The following SGCZ variants were observed in gnomAD, a reference collection of about 807,000 sequenced individuals.
SGCZ encodes the protein sarcoglycan zeta.
A neutral mutation model predicts 41.3 loss-of-function variants in SGCZ; 40 were observed. The observed-to-expected ratio is 0.97, with a 90% CI of 0.75 to 1.26. SGCZ has a LOEUF of 1.26. Among genes scored for constraint, SGCZ ranks in the 50% most tolerant of loss-of-function variants. SGCZ has a pLI of 0.00. For missense variants in SGCZ, 552 were observed against 369.8 expected (o/e 1.49, Z -4.04); for synonymous variants, 206 against 137.5 (o/e 1.50, Z -3.49).
At chr8:15,164,954 G>C (rs1314631929) in intron 1 of SGCZ, among the ~76,000 whole-genome samples, 2 of 152,062 alleles carry the variant, frequency 1.3e-5, no homozygotes. Flanking sequence ...CCAGCAACTG[G>C]GTTTTCTTCT....
chr8:14,698,976 T>C (rs1425321097), intron 1 of SGCZ, among the ~76,000 whole-genome samples: 1 of 151,772 alleles, frequency 6.6e-6, no homozygotes, highest in Non-Finnish European at 1.5e-5. Flanking sequence ...AGATACGAAA[T>C]AAAATACGGT....
intron 1 of SGCZ, among the ~76,000 whole-genome samples, chr8:15,216,321 G>A (rs1295797374): frequency 6.8e-6 from 1 of 146,086 alleles, no homozygotes; most frequent in Non-Finnish European, 1.5e-5. Flanking sequence ...CTGGGTTCAC[G>A]CCATTCTTCT....
chr8:14,442,883 G>C (rs190882297), intron 2 of SGCZ, among the ~76,000 whole-genome samples: 1 of 152,254 alleles, frequency 6.6e-6, no homozygotes, highest in East Asian at 1.9e-4. Flanking sequence ...CCTGTTTGCA[G>C]ATGACATGAT....
At chr8:15,103,267 G>A (rs1429977968) in intron 1 of SGCZ, among the ~76,000 whole-genome samples, 1 of 152,050 alleles carries the variant, frequency 6.6e-6, no homozygotes, top group Non-Finnish European at 1.5e-5. Context: ...AAGGCATGAT[G>A]GCGCATGCCT....
chr8:14,142,357 A>C (rs1255125464), intron 5 of SGCZ, among the ~76,000 whole-genome samples: 1 of 152,086 alleles, frequency 6.6e-6, no homozygotes, highest in Non-Finnish European at 1.5e-5. Context: ...ACATACACAC[A>C]AATTTTTTTT....
At chr8:14,725,950 T>C (rs1368585035) in intron 1 of SGCZ, among the ~76,000 whole-genome samples, 1 of 152,082 alleles carries the variant, frequency 6.6e-6, no homozygotes, top group African/African-American at 2.4e-5. Context: ...TTTTTTTCAC[T>C]TATTAAAGTA....
intron 1 of SGCZ, among the ~76,000 whole-genome samples, chr8:15,130,464 T>C (rs182624005): frequency 6.6e-6 from 1 of 152,278 alleles, no homozygotes; most frequent in Non-Finnish European, 1.5e-5. Flanking sequence ...AGCAAATACA[T>C]ACAGGAAATG....
At chr8:14,737,104 A>G (rs957705211) in intron 1 of SGCZ, among the ~76,000 whole-genome samples, 1 of 142,358 alleles carries the variant, frequency 7.0e-6, no homozygotes, top group Non-Finnish European at 1.5e-5. Flanking sequence ...TCTATATACC[A>G]GATACATAAG....
intron 1 of SGCZ, among the ~76,000 whole-genome samples, chr8:15,177,467 C>G (rs1288498484): frequency 6.6e-6 from 1 of 152,086 alleles, no homozygotes; most frequent in Non-Finnish European, 1.5e-5. Context: ...TAAATGTTGA[C>G]AACATCAACT....
At chr8:14,610,820 T>C (rs990949415) in intron 1 of SGCZ, among the ~76,000 whole-genome samples, 2 of 152,222 alleles carry the variant, frequency 1.3e-5, no homozygotes, top group Non-Finnish European at 2.9e-5. Context: ...AGATACTTCA[T>C]CTTCAGAATT....
chr8:14,729,644 A>AAATC (rs56104484), intron 1 of SGCZ, among the ~76,000 whole-genome samples: 25,022 of 150,736 alleles, frequency 0.17, 2,346 homozygotes, highest in East Asian at 0.29. Flanking sequence ...AGAGCGTTAA[A>AAATC]AATCAATCAA....
chr8:14,349,296 C>A (rs1803005092), intron 2 of SGCZ, among the ~76,000 whole-genome samples: 1 of 152,056 alleles, frequency 6.6e-6, no homozygotes, highest in African/African-American at 2.4e-5. Context: ...CACCTATAAA[C>A]TATGTGATAA....
chr8:14,982,762 A>T (rs1801710792), intron 1 of SGCZ, among the ~76,000 whole-genome samples: 2 of 152,172 alleles, frequency 1.3e-5, no homozygotes, highest in African/African-American at 4.8e-5. Flanking sequence ...TTTATTTTGA[A>T]AATTCTAGAT....
At chr8:14,673,312 G>A (rs117742265) in intron 1 of SGCZ, among the ~76,000 whole-genome samples, 1 of 152,084 alleles carries the variant, frequency 6.6e-6, no homozygotes. Context: ...GGAGGTGATT[G>A]TATCATGGGG....
chr8:14,335,309 C>A (rs533629186), intron 2 of SGCZ, among the ~76,000 whole-genome samples: 12 of 152,236 alleles, frequency 7.9e-5, no homozygotes, highest in African/African-American at 2.9e-4. Context: ...CATCTCTCAA[C>A]TGAATTTTAA....
chr8:15,164,642 T>C (rs532624431), intron 1 of SGCZ, among the ~76,000 whole-genome samples: 1 of 151,766 alleles, frequency 6.6e-6, no homozygotes, highest in South Asian at 2.1e-4. Flanking sequence ...TAAGCAAGTT[T>C]TTTTTTTTTT....
intron 1 of SGCZ, among the ~76,000 whole-genome samples, chr8:15,164,002 T>A (rs1799584279): frequency 6.6e-6 from 1 of 152,204 alleles, no homozygotes. Context: ...GAACCTGGCA[T>A]TCCAATGGCC....
chr8:14,461,872 A>C (rs1800911111), intron 2 of SGCZ, among the ~76,000 whole-genome samples: 2 of 152,084 alleles, frequency 1.3e-5, no homozygotes, highest in Non-Finnish European at 1.5e-5. Context: ...AATGCACAGG[A>C]GTTATTGAGA....
intron 3 of SGCZ, chr8:14,309,622 C>G (rs890435481): frequency 1.4e-5 from 22 of 1,610,738 alleles, no homozygotes; most frequent in African/African-American, 2.7e-5. Flanking sequence ...CAGTCCCACG[C>G]AGACACAGCT....
Sources: allele counts gnomAD v4.1 joint callset (sites outside exome capture counted in the v4.1 genomes callset), GRCh38; gene constraint gnomAD v4.1.1; transcripts MANE v1.5; gene names NCBI Gene and HGNC (gene_info 2026-07-23, HGNC 2026-07-21).